The following TMTC2 variants were observed in gnomAD, a reference collection of about 807,000 sequenced individuals.
The protein encoded by TMTC2 is transmembrane O-mannosyltransferase targeting cadherins 2, also known as protein O-mannosyl-transferase TMTC2.
A neutral mutation model predicts 82.4 loss-of-function variants in TMTC2; 43 were observed. The ratio of observed to expected loss-of-function variants is 0.52; its 90% CI spans 0.41 to 0.67. TMTC2 has a LOEUF of 0.67. TMTC2 is among the 30% of genes least tolerant of loss of function. The probability of loss-of-function intolerance (pLI) is 0.00; values close to 1 mark genes in which losing one functional copy is unlikely to be tolerated. For synonymous variants in TMTC2, 408 were observed against 381.9 expected (o/e 1.07, Z -0.80); for missense variants, 919 against 1,012.4 (o/e 0.91, Z 1.25).
chr12:82,906,413 C>T (rs1318541723), intron 3 of TMTC2, among the ~76,000 whole-genome samples: 4 of 152,092 alleles, frequency 2.6e-5, no homozygotes, highest in African/African-American at 9.7e-5. Flanking sequence ...GTCTGTAATC[C>T]CAGCACTTTG....
intron 1 of TMTC2, among the ~76,000 whole-genome samples, chr12:82,837,501 A>G (rs547358970): frequency 9.2e-5 from 14 of 152,200 alleles, no homozygotes; most frequent in Admixed American, 2.0e-4. Flanking sequence ...AAAATATTCA[A>G]TTAACTGTCT....
At chr12:82,986,750 G>T (rs1281309729) in intron 8 of TMTC2, among the ~76,000 whole-genome samples, 1 of 152,182 alleles carries the variant, frequency 6.6e-6, no homozygotes, top group Non-Finnish European at 1.5e-5. Context: ...CATGAGTATG[G>T]AGCATAAAAA....
chr12:83,099,815 T>C (rs187305350), intron 11 of TMTC2, among the ~76,000 whole-genome samples: 1 of 152,180 alleles, frequency 6.6e-6, no homozygotes, highest in Non-Finnish European at 1.5e-5. Flanking sequence ...TTTATTCCAG[T>C]AAAGAAGTGC....
rs1037170461 is a variant in TMTC2 at position 82,854,335 on chromosome 12, G to A, written c.84-2675G>A. 2.6e-5 allele frequency among the ~76,000 whole-genome samples: 4 copies of A among 152,094 alleles called. No homozygotes were observed. In the South Asian group the frequency reaches 8.3e-4, roughly 32 times the overall value. On this transcript the variant is annotated intron_variant, in intron 1 of 11. Transcript: ENST00000321196. ...GGTCACTATGGTCTTTTGTAACAGG[G>A]ACTGAGTTTCCCTCAATCTTACTGC...
chr12:83,116,751 T>C (rs11115599), intron 11 of TMTC2, among the ~76,000 whole-genome samples: 5,349 of 152,290 alleles, frequency 0.035, 149 homozygotes, highest in South Asian at 0.099. Context: ...GAATTGTCTA[T>C]TCATGTCCTT....
intron 1 of TMTC2, among the ~76,000 whole-genome samples, chr12:82,810,394 A>T (rs1158369254): frequency 1.3e-5 from 2 of 150,612 alleles, no homozygotes; most frequent in East Asian, 3.8e-4. Context: ...AATTTTTAAC[A>T]GAATTATTTT....
chr12:82,831,670 TTGGTGGTGG>T (rs1005854012), intron 1 of TMTC2, among the ~76,000 whole-genome samples: 1 of 151,974 alleles, frequency 6.6e-6, no homozygotes, highest in Non-Finnish European at 1.5e-5. Flanking sequence ...AATCAGATTA[TTGGTGGTGG>T]TGGTGGTGGT....
chr12:82,952,626 G>A (rs1877406643), intron 4 of TMTC2, among the ~76,000 whole-genome samples: 2 of 152,010 alleles, frequency 1.3e-5, no homozygotes, highest in Admixed American at 1.3e-4. Flanking sequence ...GCTCACTGCA[G>A]CCTCTGACTC....
At chr12:82,734,746 T>G (rs1874999029) in intron 1 of TMTC2, among the ~76,000 whole-genome samples, 1 of 152,208 alleles carries the variant, frequency 6.6e-6, no homozygotes, top group South Asian at 2.1e-4. Context: ...CCAGGACATG[T>G]ACTTGAGTTA....
chr12:82,908,691 T>C (rs1349235349), intron 3 of TMTC2, among the ~76,000 whole-genome samples: 4 of 152,282 alleles, frequency 2.6e-5, no homozygotes, highest in African/African-American at 9.6e-5. Context: ...CATTACTTCT[T>C]TTTCATTCCC....
chr12:82,825,193 G>A (rs1426413078), intron 1 of TMTC2, among the ~76,000 whole-genome samples: 2 of 152,082 alleles, frequency 1.3e-5, no homozygotes, highest in Non-Finnish European at 1.5e-5. Context: ...AAACTAAGAG[G>A]ACTTCCTTAA....
chr12:82,967,905 T>C (rs1050529714), intron 7 of TMTC2, among the ~76,000 whole-genome samples: 5 of 152,118 alleles, frequency 3.3e-5, no homozygotes, highest in Non-Finnish European at 5.9e-5. Context: ...TCTCCAGGAT[T>C]ATTGTACACT....
At chr12:83,014,986 G>T (rs941293560) in intron 8 of TMTC2, among the ~76,000 whole-genome samples, 1 of 152,026 alleles carries the variant, frequency 6.6e-6, no homozygotes, top group African/African-American at 2.4e-5. Flanking sequence ...TAAGTAACTT[G>T]CCCAAGTAGT....
chr12:82,849,354 C>T (rs750165298), intron 1 of TMTC2, among the ~76,000 whole-genome samples: 14 of 152,008 alleles, frequency 9.2e-5, no homozygotes, highest in Non-Finnish European at 1.8e-4. Context: ...TTTTAATAAG[C>T]ATGCTAAGCA....
intron 1 of TMTC2, among the ~76,000 whole-genome samples, chr12:82,820,405 A>G (rs1024359069): frequency 2.0e-5 from 3 of 151,382 alleles, no homozygotes; most frequent in Non-Finnish European, 2.9e-5. Flanking sequence ...CAGTCTTGCT[A>G]TAACGCCCAG....
intron 1 of TMTC2, among the ~76,000 whole-genome samples, chr12:82,743,446 C>CA (rs370208896): frequency 0.14 from 11,380 of 83,450 alleles, 466 homozygotes; most frequent in Middle Eastern, 0.18. Context: ...GACTCCGTCT[C>CA]AAAAAAAAAA....
chr12:83,083,348 G>A (rs1883537313), intron 11 of TMTC2, among the ~76,000 whole-genome samples: 1 of 152,146 alleles, frequency 6.6e-6, no homozygotes, highest in Admixed American at 6.5e-5. Flanking sequence ...TTTTCTCCAA[G>A]AAACAATGTG....
chr12:82,763,789 G>C (rs1424288571), intron 1 of TMTC2, among the ~76,000 whole-genome samples: 17 of 152,074 alleles, frequency 1.1e-4, no homozygotes. Flanking sequence ...AGCTAATATG[G>C]TTACATAGAT....
chr12:82,794,365 A>G (rs1191428848), intron 1 of TMTC2, among the ~76,000 whole-genome samples: 2 of 152,120 alleles, frequency 1.3e-5, no homozygotes, highest in South Asian at 2.1e-4. Flanking sequence ...TCACACAGAA[A>G]AAAAGGGCCT....
Sources: gnomAD v4.1 joint callset for allele counts (sites outside exome capture counted in the v4.1 genomes callset) on GRCh38, gnomAD v4.1.1 for gene constraint, MANE v1.5 for transcripts, NCBI Gene and HGNC (gene_info 2026-07-23, HGNC 2026-07-21) for gene names.